The following KRIT1 variants were observed in gnomAD, a reference collection of about 807,000 sequenced individuals.
The protein encoded by KRIT1 is krev interaction trapped protein 1.
Under a neutral mutation model 95.8 loss-of-function variants are expected in KRIT1, and 45 were observed. That is an observed-to-expected ratio of 0.47 (90% CI 0.37 to 0.60). The LOEUF (loss-of-function observed/expected upper bound fraction) is 0.60. KRIT1 is among the 20% of genes least tolerant of loss of function. The pLI, the probability that KRIT1 is intolerant of heterozygous loss-of-function variation, is 0.00. For missense variants in KRIT1, 788 were observed against 877.5 expected (o/e 0.90, Z 1.29); for synonymous variants, 282 against 278.8 (o/e 1.01, Z -0.11).
chr7:92,236,448 A>T lies in KRIT1; in HGVS notation c.450T>A (p.Ala150=). 1 of 1,606,458 alleles carries T rather than the reference A, an allele frequency of 6.2e-7. No homozygotes were observed. Among genetic ancestry groups the T allele is most frequent in the Non-Finnish European group, 8.5e-7 (1 of 1,173,284 alleles). ...CTATTAACATCCTTGCTGTAAGTGT[A>T]GCAAAATGAGTACTGGATTCACTAC... ...RVCSESSTHF[A]TLTARMLIAL... The change falls in exon 7 of 19, where the codon GCT becomes GCA. Residue 150 remains alanine, a synonymous_variant. Coordinates refer to ENST00000394505, the MANE Select transcript of KRIT1 (RefSeq NM_194454.3).
intron 5 of KRIT1, chr7:92,240,766 A>C (rs1423459711): frequency 3.6e-6 from 2 of 554,424 alleles, no homozygotes; most frequent in Non-Finnish European, 3.2e-6. Context: ...ACTACACTTC[A>C]CATCAACATT....
intron 5 of KRIT1, among the ~76,000 whole-genome samples, chr7:92,237,962 G>A (rs917012880): frequency 6.6e-6 from 1 of 152,090 alleles, no homozygotes; most frequent in Admixed American, 6.6e-5. Context: ...TTAGGGTCCT[G>A]GTCTTGACCC....
At chr7:92,223,735 T>C (rs1363857307) in intron 12 of KRIT1, among the ~76,000 whole-genome samples, 3 of 152,176 alleles carry the variant, frequency 2.0e-5, no homozygotes, top group Non-Finnish European at 4.4e-5. Flanking sequence ...AAGAGGAATT[T>C]GTGATGGAAC....
At chr7:92,212,861 A>G (rs1793160721) in intron 17 of KRIT1, among the ~76,000 whole-genome samples, 1 of 152,220 alleles carries the variant, frequency 6.6e-6, no homozygotes, top group Non-Finnish European at 1.5e-5. Context: ...TTATGTAAAA[A>G]TCATCCTCAT....
chr7:92,216,108 A>T (rs1793928035), intron 14 of KRIT1, among the ~76,000 whole-genome samples: 1 of 151,690 alleles, frequency 6.6e-6, no homozygotes, highest in Admixed American at 6.6e-5. Flanking sequence ...AGGCGCCTGT[A>T]GTCCCAGCTA....
At chr7:92,211,631 T>C (rs1255235498) in intron 17 of KRIT1, among the ~76,000 whole-genome samples, 2 of 152,190 alleles carry the variant, frequency 1.3e-5, no homozygotes, top group Non-Finnish European at 2.9e-5. Flanking sequence ...TAATTTATTG[T>C]ATATTTCAAA....
chr7:92,231,298 CTTAT>C (rs1797235754), intron 10 of KRIT1, among the ~76,000 whole-genome samples: 1 of 151,960 alleles, frequency 6.6e-6, no homozygotes, highest in Admixed American at 6.6e-5. Context: ...ATTTTAAACT[CTTAT>C]TTTTTTCATT....
intron 3 of KRIT1, 34 bp downstream of exon 3, chr7:92,243,968 C>A (rs1324334376): frequency 6.6e-6 from 1 of 151,980 alleles, no homozygotes; most frequent in Non-Finnish European, 1.5e-5. Context: ...TTTTTCAGTT[C>A]AATTTTTTGT....
chr7:92,241,691 G>C (rs908595577), intron 4 of KRIT1, among the ~76,000 whole-genome samples: 2 of 152,110 alleles, frequency 1.3e-5, no homozygotes, highest in African/African-American at 4.8e-5. Context: ...ATAGTTATTT[G>C]GAAAAATAAC....
chr7:92,238,177 C>G (rs534660397), intron 5 of KRIT1, among the ~76,000 whole-genome samples: 1 of 152,272 alleles, frequency 6.6e-6, no homozygotes, highest in East Asian at 1.9e-4. Flanking sequence ...TATTTAACCT[C>G]CATCCTCAAT....
chr7:92,232,608 T>G (rs1476356959), intron 10 of KRIT1, among the ~76,000 whole-genome samples: 1 of 152,120 alleles, frequency 6.6e-6, no homozygotes, highest in African/African-American at 2.4e-5. Flanking sequence ...TGCCTTTGCC[T>G]TTTCCAAATC....
rs981848620 is a variant in KRIT1 at position 92,241,338 on chromosome 7, T to G, written c.103-186A>C. Reference sequence around the variant, plus strand: ...AATGTCTGGGGCCTGGTTCTTACAGTTTTAAGATGCTTCTACAGTGCAGCC... The same window carrying G: ...AATGTCTGGGGCCTGGTTCTTACAGGTTTAAGATGCTTCTACAGTGCAGCC... On this transcript the variant is annotated intron_variant, in intron 4 of 18. Transcript: ENST00000394505. Among the ~76,000 whole-genome samples, 3 of 152,154 alleles carry G rather than the reference T, an allele frequency of 2.0e-5. No homozygotes were observed. In the East Asian group the frequency reaches 5.8e-4, roughly 29 times the overall value.
rs1006996902 is a variant in KRIT1, at chr7:92,220,501, T to G, written c.1563+1401A>C. Among the ~76,000 whole-genome samples, 4 of 152,290 alleles carry G rather than the reference T, an allele frequency of 2.6e-5. 1 individual carries two copies. ...TGTTTACCAAGTTTGGACATGGCTG[T>G]TGAAATTTTCTTGTGCCAAAATTTG... On this transcript the variant is annotated intron_variant, in intron 14 of 18. Transcript: ENST00000394505.
At chr7:92,201,940 T>C (rs920477388) in intron 17 of KRIT1, among the ~76,000 whole-genome samples, 2 of 152,318 alleles carry the variant, frequency 1.3e-5, no homozygotes, top group African/African-American at 4.8e-5. Context: ...CTGTGAGCAA[T>C]ATTTGTCATA....
intron 17 of KRIT1, chr7:92,206,798 A>T (rs994375503): frequency 6.6e-6 from 1 of 152,150 alleles, no homozygotes; most frequent in Non-Finnish European, 1.5e-5. Flanking sequence ...CTTAAGACAT[A>T]TAAGATAACA....
intron 16 of KRIT1, among the ~76,000 whole-genome samples, 160 bp downstream of exon 16, chr7:92,213,732 A>G (rs1793366431): frequency 6.6e-6 from 1 of 152,190 alleles, no homozygotes; most frequent in South Asian, 2.1e-4. Context: ...CTAAAAATAA[A>G]AATATCTTGC....
At chr7:92,208,564 T>TAGAAACTA (rs1563228270) in intron 17 of KRIT1, among the ~76,000 whole-genome samples, 1 of 152,056 alleles carries the variant, frequency 6.6e-6, no homozygotes, top group African/African-American at 2.4e-5. Flanking sequence ...AAAGACTCCT[T>TAGAAACTA]AGAGACTATT....
rs1254436650 is a variant in KRIT1, at chr7:92,215,626, TGCCTGG to T, written c.1564-855_1564-850del. 5.2e-3 allele frequency among the ~76,000 whole-genome samples: 785 copies of T among 152,226 alleles called. 3 individuals carry two copies. The highest frequency in any genetic ancestry group is 7.8e-3 in the Non-Finnish European group (532 of 67,998). ...CTGGGAAAAGAGGTGTGCAACACCATGCCTGGCTAATTTTTAAATTTTTTGAAGACA... is the reference window on the plus strand; with the variant it reads ...CTGGGAAAAGAGGTGTGCAACACCATCTAATTTTTAAATTTTTTGAAGACA... On this transcript the variant is annotated intron_variant, in intron 14 of 18. Coordinates refer to ENST00000394505, the MANE Select transcript of KRIT1 (RefSeq NM_194454.3).
rs1799479196 is a variant in KRIT1 at position 92,240,922 on chromosome 7, G to A, written c.262+71C>T. 14 of 1,218,968 alleles carry A rather than the reference G, an allele frequency of 1.1e-5. No homozygotes were observed. In the East Asian group the frequency reaches 3.0e-4, roughly 26 times the overall value. The allele number at this position is 1,218,968 out of a possible 1,614,324, so 75.5% of individuals were successfully genotyped here. On this transcript the variant is annotated intron_variant, in intron 5 of 18. Coordinates refer to ENST00000394505, the MANE Select transcript of KRIT1 (RefSeq NM_194454.3). ...ATAAAAAGAAATTGGTTTAATATGT[G>A]TATATTTTTAAAAGAATCTTTCTCC...
Sources: gnomAD v4.1 joint callset for allele counts (sites outside exome capture counted in the v4.1 genomes callset) on GRCh38, gnomAD v4.1.1 for gene constraint, MANE v1.5 for transcripts, NCBI Gene and HGNC (gene_info 2026-07-23, HGNC 2026-07-21) for gene names.